Variants in RAB27B observed in about 807,000 individuals in gnomAD.
RAB27B encodes ras-related protein Rab-27B.
RAB27B carries 15 observed loss-of-function variants against 24.6 expected under a neutral mutation model. That is an observed-to-expected ratio of 0.61 (90% CI 0.41 to 0.94). RAB27B has a LOEUF of 0.94. Among genes scored for constraint, RAB27B ranks in the 40% least tolerant of loss-of-function variants. RAB27B has a pLI of 0.00. For missense variants in RAB27B, 261 were observed against 266.8 expected, an observed-to-expected ratio of 0.98 and a Z score of 0.15; for synonymous variants, 105 against 92.5, an observed-to-expected ratio of 1.14 and a Z score of -0.78.
intron 2 of RAB27B, among the ~76,000 whole-genome samples, chr18:54,751,799 C>T (rs958344177): frequency 4.6e-5 from 7 of 152,156 alleles, no homozygotes; most frequent in Non-Finnish European, 8.8e-5. Flanking sequence ...TTGAGCATCG[C>T]ATGTATGAAG....
At chr18:54,801,161 C>T (rs1007036061) in intron 2 of RAB27B, among the ~76,000 whole-genome samples, 5 of 151,336 alleles carry the variant, frequency 3.3e-5, no homozygotes, top group South Asian at 2.1e-4. Context: ...TACAGGTGCA[C>T]GCCACCACAC....
At chr18:54,849,974 CT>C (rs1911494548) in intron 1 of RAB27B, among the ~76,000 whole-genome samples, 1 of 152,058 alleles carries the variant, frequency 6.6e-6, no homozygotes, top group Non-Finnish European at 1.5e-5. Context: ...GAGTTAGAAA[CT>C]TAATCTAACT....
intron 2 of RAB27B, among the ~76,000 whole-genome samples, chr18:54,820,375 G>C (rs140837056): frequency 6.6e-6 from 1 of 152,216 alleles, no homozygotes; most frequent in African/African-American, 2.4e-5. Flanking sequence ...GGCCAGTGAT[G>C]ATGAGCATTT....
Position 54,894,212 on chromosome 18 carries a change from C to T in RAB27B, c.*4799C>T, listed in dbSNP as rs1362873069. The T allele has an allele frequency of 5.9e-5, 9 of 151,812 alleles. No individual in the cohort carries two copies. The allele number at this position is 151,812 out of a possible 1,614,324, so 9.4% of individuals were successfully genotyped here. ...GTAGAGAGAGAATACCACTAACAAA[C>T]AAACAAAAACTTTAGTGCCAAAATA... is the stretch of plus-strand genomic sequence containing the variant. On this transcript the variant is annotated 3_prime_UTR_variant, in exon 6 of 6. Transcript: ENST00000262094.
chr18:54,768,602 C>G (rs547218870), intron 2 of RAB27B, among the ~76,000 whole-genome samples: 22 of 152,158 alleles, frequency 1.4e-4, no homozygotes, highest in South Asian at 6.2e-4. Context: ...GATTTATTAT[C>G]TTTTCTCACA....
At chr18:54,763,717 A>C (rs1908269841) in intron 2 of RAB27B, among the ~76,000 whole-genome samples, 1 of 152,168 alleles carries the variant, frequency 6.6e-6, no homozygotes, top group East Asian at 1.9e-4. Flanking sequence ...TTTATGACTC[A>C]GGTTTTTATC....
At chr18:54,819,330 C>T (rs1417192216) in intron 2 of RAB27B, among the ~76,000 whole-genome samples, 1 of 148,284 alleles carries the variant, frequency 6.7e-6, no homozygotes, top group East Asian at 1.9e-4. Context: ...TCCTTATAGT[C>T]ATATAAGCTG....
chr18:54,753,870 T>C (rs1359174126), intron 2 of RAB27B, among the ~76,000 whole-genome samples: 1 of 152,160 alleles, frequency 6.6e-6, no homozygotes, highest in Non-Finnish European at 1.5e-5. Context: ...CCATACACAC[T>C]CACACACTTG....
intron 2 of RAB27B, among the ~76,000 whole-genome samples, chr18:54,790,899 C>T (rs1011731010): frequency 6.6e-6 from 1 of 152,162 alleles, no homozygotes; most frequent in African/African-American, 2.4e-5. Flanking sequence ...ACTTCTTCAA[C>T]TCTTCTATTT....
At chr18:54,785,598 T>A (rs1012880879) in intron 2 of RAB27B, among the ~76,000 whole-genome samples, 1 of 152,038 alleles carries the variant, frequency 6.6e-6, no homozygotes, top group East Asian at 1.9e-4. Flanking sequence ...AGTATATTGA[T>A]TTATTTTGTT....
chr18:54,833,572 G>A (rs912546122), intron 1 of RAB27B, among the ~76,000 whole-genome samples: 3 of 152,060 alleles, frequency 2.0e-5, no homozygotes, highest in African/African-American at 7.2e-5. Context: ...CCTTCAAAAT[G>A]GAAGGTCTAG....
chr18:54,760,127 C>T (rs56096448), intron 2 of RAB27B, among the ~76,000 whole-genome samples: 8,458 of 152,222 alleles, frequency 0.056, 304 homozygotes, highest in Admixed American at 0.085. Context: ...CAGAAGCTGC[C>T]GTGGGGGCCA....
chr18:54,808,459 G>T (rs1214705451), intron 2 of RAB27B, among the ~76,000 whole-genome samples: 1 of 152,270 alleles, frequency 6.6e-6, no homozygotes, highest in South Asian at 2.1e-4. Context: ...AATTCAGAGG[G>T]CAAGGAAATG....
At chr18:54,770,232 G>A (rs1183283469) in intron 2 of RAB27B, among the ~76,000 whole-genome samples, 2 of 152,092 alleles carry the variant, frequency 1.3e-5, no homozygotes, top group African/African-American at 4.8e-5. Context: ...TTAGGAACAG[G>A]GCCACATAGC....
At chr18:54,819,405 A>T (rs1910224536) in intron 2 of RAB27B, among the ~76,000 whole-genome samples, 1 of 149,792 alleles carries the variant, frequency 6.7e-6, no homozygotes, top group East Asian at 1.9e-4. Context: ...AGTGGCATGC[A>T]GCTGTAATCC....
chr18:54,865,802 C>T (rs1387314644), intron 1 of RAB27B, among the ~76,000 whole-genome samples: 1 of 152,162 alleles, frequency 6.6e-6, no homozygotes, highest in African/African-American at 2.4e-5. Context: ...ATGCAATAAA[C>T]ACTTCAACTA....
rs370157451 is a variant in RAB27B at position 54,844,112 on chromosome 18, CATATAG to C, written c.-20+15419_-20+15424del. Among the ~76,000 whole-genome samples, 415 of 152,268 alleles carry C rather than the reference CATATAG, an allele frequency of 2.7e-3. 1 individual carries two copies. Among genetic ancestry groups the C allele is most frequent in the South Asian group, 0.01 (50 of 4,832 alleles). ...AGCAAAGTTCATGAATAAAACACAA[CATATAG>C]ATATAGTTTTTCAATATATCAATAT... On this transcript the variant is annotated intron_variant, in intron 1 of 5. Coordinates refer to ENST00000262094, the MANE Select transcript of RAB27B (RefSeq NM_004163.4).
intron 2 of RAB27B, among the ~76,000 whole-genome samples, chr18:54,755,371 CAG>C (rs1314302449): frequency 6.6e-6 from 1 of 152,022 alleles, no homozygotes; most frequent in East Asian, 1.9e-4. Context: ...ACCTGGGCAA[CAG>C]AGCAAGACTC....
intron 2 of RAB27B, among the ~76,000 whole-genome samples, chr18:54,735,826 C>T (rs1018482291): frequency 1.3e-5 from 2 of 152,066 alleles, no homozygotes; most frequent in African/African-American, 4.8e-5. Flanking sequence ...CCAGCTGACA[C>T]TTTTGTGATA....
Sources: gnomAD v4.1 joint callset for allele counts (sites outside exome capture counted in the v4.1 genomes callset) on GRCh38, gnomAD v4.1.1 for gene constraint, MANE v1.5 for transcripts, NCBI Gene and HGNC (gene_info 2026-07-23, HGNC 2026-07-21) for gene names.